Variants in SGF29 observed in about 807,000 individuals in gnomAD.
SGF29 encodes SAGA-associated factor 29.
In SGF29, 15 loss-of-function variants were observed where a neutral mutation model predicts 38.1. That is an observed-to-expected ratio of 0.39 (90% CI 0.26 to 0.61). SGF29 has a LOEUF of 0.61. Among genes scored for constraint, SGF29 ranks in the 20% least tolerant of loss-of-function variants. SGF29 has a pLI of 0.49. For missense variants in SGF29, 184 were observed against 394.6 expected (o/e 0.47, Z 4.52); for synonymous variants, 151 against 160.8 (o/e 0.94, Z 0.46).
rs533369864 is a variant in SGF29, at chr16:28,585,831, T to G, written c.224+111T>G. ...GCCTTCCTCCCATGGATAAGCTGAT[T>G]GCTACTCCCAGCCTCTCGCTTGGGT... On this transcript the variant is annotated intron_variant, in intron 4 of 9. Transcript: ENST00000317058. 4 of 1,003,108 alleles carry G rather than the reference T, an allele frequency of 4.0e-6. No individual in the cohort carries two copies. In the African/African-American group the frequency reaches 4.8e-5, roughly 12 times the overall value. The allele number at this position is 1,003,108 out of a possible 1,614,324, so 62.1% of individuals were successfully genotyped here.
At chr16:28,558,149 A>G (rs1282024717) in intron 1 of SGF29, among the ~76,000 whole-genome samples, 1 of 144,314 alleles carries the variant, frequency 6.9e-6, no homozygotes, top group Non-Finnish European at 1.5e-5. Flanking sequence ...CTGTGTCGCC[A>G]GGCTGGAGTG....
At chr16:28,561,311 T>A (rs1454022198) in intron 1 of SGF29, among the ~76,000 whole-genome samples, 4 of 152,070 alleles carry the variant, frequency 2.6e-5, no homozygotes, top group Non-Finnish European at 4.4e-5. Context: ...GGCAGGCAGA[T>A]CACCTGAGGT....
rs1322954150 is a variant in SGF29, at chr16:28,553,996, A to G, written c.-117A>G. 6.6e-6 allele frequency: 1 copy of G among 152,288 alleles called. No homozygotes were observed. The highest frequency in any genetic ancestry group is 1.5e-5 in the Non-Finnish European group (1 of 68,026). 9.4% of individuals were successfully genotyped at this position (152,288 alleles called of 1,614,324 possible). ...CGACGTGCCGCCAATCTTCGAACGC[A>G]GGTCTGTGATCATCCGCAGACTCCG... On this transcript the variant is annotated 5_prime_UTR_variant, in exon 1 of 10. Coordinates refer to ENST00000317058, the MANE Select transcript of SGF29 (RefSeq NM_138414.3).
chr16:28,568,974 G>C (rs2046849466), intron 1 of SGF29, among the ~76,000 whole-genome samples: 1 of 151,910 alleles, frequency 6.6e-6, no homozygotes, highest in Non-Finnish European at 1.5e-5. Context: ...TGTAATCCCA[G>C]CTACTTGGGA....
rs114353781 is a variant in SGF29 at position 28,574,477 on chromosome 16, C to T, written c.-15-6578C>T. Reference sequence around the variant, plus strand: ...CTTAATGTGCATGCTCAGGAAGGTGCGTCTCCTTGGTGTCTGCATTCAATT... The same window carrying T: ...CTTAATGTGCATGCTCAGGAAGGTGTGTCTCCTTGGTGTCTGCATTCAATT... On this transcript the variant is annotated intron_variant, in intron 1 of 9. Coordinates refer to ENST00000317058, the MANE Select transcript of SGF29 (RefSeq NM_138414.3). Among the ~76,000 whole-genome samples, 48 of 152,300 alleles carry T rather than the reference C, an allele frequency of 3.2e-4. 1 individual carries two copies. In the East Asian group the frequency reaches 3.3e-3, roughly 10 times the overall value.
chr16:28,584,028 CTT>C (rs59285238), intron 2 of SGF29, among the ~76,000 whole-genome samples: 23 of 137,884 alleles, frequency 1.7e-4, no homozygotes, highest in Admixed American at 1.5e-4. Flanking sequence ...TTAATGCCTT[CTT>C]TTTTTTTTTT....
intron 1 of SGF29, among the ~76,000 whole-genome samples, chr16:28,568,957 G>C (rs574910776): frequency 2.0e-5 from 3 of 148,700 alleles, no homozygotes; most frequent in African/African-American, 7.5e-5. Context: ...GCGTGGTGGC[G>C]TGTGCCTGTA....
At chr16:28,574,738 C>T (rs2046883705) in intron 1 of SGF29, among the ~76,000 whole-genome samples, 1 of 152,196 alleles carries the variant, frequency 6.6e-6, no homozygotes, top group South Asian at 2.1e-4. Flanking sequence ...TTTGTTATGG[C>T]TCACTGGGGT....
chr16:28,573,710 G>T (rs1011828717), intron 1 of SGF29, among the ~76,000 whole-genome samples: 4 of 152,120 alleles, frequency 2.6e-5, no homozygotes, highest in African/African-American at 9.7e-5. Context: ...GAGGTGACAG[G>T]CATTGCTATA....
At chr16:28,559,805 A>G (rs1378490468) in intron 1 of SGF29, among the ~76,000 whole-genome samples, 1 of 152,232 alleles carries the variant, frequency 6.6e-6, no homozygotes, top group Admixed American at 6.6e-5. Flanking sequence ...CAGGGAAGCT[A>G]GATTTGGAGT....
At chr16:28,571,465 C>T (rs1422724922) in intron 1 of SGF29, among the ~76,000 whole-genome samples, 1 of 151,896 alleles carries the variant, frequency 6.6e-6, no homozygotes, top group African/African-American at 2.4e-5. Flanking sequence ...TGGTGGCAGA[C>T]ACCTGTAATC....
chr16:28,588,570 C>CTTT, intron 4 of SGF29: 3 of 349,080 alleles, frequency 8.6e-6, no homozygotes, highest in South Asian at 2.3e-5. Context: ...TTCCAGTTTT[C>CTTT]TTTTTTTTTT....
At chr16:28,568,678 G>T (rs537178765) in intron 1 of SGF29, among the ~76,000 whole-genome samples, 1 of 152,184 alleles carries the variant, frequency 6.6e-6, no homozygotes, top group East Asian at 1.9e-4. Flanking sequence ...ACTTTGGGAG[G>T]CCGAGGGGGA....
chr16:28,569,107 AAAAG>A (rs1434047615), intron 1 of SGF29, among the ~76,000 whole-genome samples: 22 of 152,076 alleles, frequency 1.4e-4, no homozygotes, highest in Non-Finnish European at 2.9e-5. Context: ...TAAATAAAGT[AAAAG>A]AAAGAAAGAA....
At chr16:28,568,243 G>A (rs2046845161) in intron 1 of SGF29, among the ~76,000 whole-genome samples, 1 of 149,638 alleles carries the variant, frequency 6.7e-6, no homozygotes, top group Non-Finnish European at 1.5e-5. Flanking sequence ...AATCCGGGAG[G>A]TGGAGGTTGC....
chr16:28,570,887 GAT>G (rs2046861091), intron 1 of SGF29, among the ~76,000 whole-genome samples: 1 of 151,872 alleles, frequency 6.6e-6, no homozygotes, highest in African/African-American at 2.4e-5. Context: ...ACCCATATCT[GAT>G]TTAGATGATA....
intron 2 of SGF29, among the ~76,000 whole-genome samples, chr16:28,583,372 T>C (rs1295946094): frequency 6.6e-6 from 1 of 152,206 alleles, no homozygotes; most frequent in African/African-American, 2.4e-5. Flanking sequence ...GCAGTACTAG[T>C]CTAGCAAGTA....
At chr16:28,570,213 T>C (rs1472831635) in intron 1 of SGF29, among the ~76,000 whole-genome samples, 2 of 152,214 alleles carry the variant, frequency 1.3e-5, no homozygotes, top group African/African-American at 4.8e-5. Flanking sequence ...AGCAAACCTG[T>C]ACAGGCAGGG....
chr16:28,585,441 T>C, intron 3 of SGF29: 1 of 602,924 alleles, frequency 1.7e-6, no homozygotes, highest in Non-Finnish European at 3.0e-6. Flanking sequence ...CTCTCGCAGA[T>C]GTAGGGATGG....
Sources: allele counts gnomAD v4.1 joint callset (sites outside exome capture counted in the v4.1 genomes callset), GRCh38; gene constraint gnomAD v4.1.1; transcripts MANE v1.5; gene names NCBI Gene and HGNC (gene_info 2026-07-23, HGNC 2026-07-21).